CHD1: variants seen among roughly 807,000 people sequenced by gnomAD.
CHD1 encodes ATP-dependent chromatin remodeler CHD1.
A neutral mutation model predicts 224.2 loss-of-function variants in CHD1; 36 were observed. The ratio of observed to expected loss-of-function variants is 0.16; its 90% CI spans 0.12 to 0.21. The LOEUF (loss-of-function observed/expected upper bound fraction) is 0.21. CHD1 is among the 10% of genes least tolerant of loss of function. CHD1 has a pLI of 1.00. For missense variants in CHD1, 1,378 were observed against 1,994.8 expected (o/e 0.69, Z 5.89); for synonymous variants, 668 against 658.3 (o/e 1.01, Z -0.23).
chr5:98,889,475 C>T (rs1175521118), intron 15 of CHD1, among the ~76,000 whole-genome samples: 2 of 152,152 alleles, frequency 1.3e-5, no homozygotes, highest in Non-Finnish European at 2.9e-5. Context: ...ATAATTATTA[C>T]AGTGTATTAA....
chr5:98,870,581 C>T (rs1247278836), intron 29 of CHD1, 106 bp downstream of exon 29: 1 of 528,450 alleles, frequency 1.9e-6, no homozygotes, highest in East Asian at 3.0e-5. Context: ...CAGAAAAATC[C>T]ATTTATATAA....
At chr5:98,884,487 A>C (rs1201398327) in intron 18 of CHD1, among the ~76,000 whole-genome samples, 1 of 151,472 alleles carries the variant, frequency 6.6e-6, no homozygotes, top group Admixed American at 6.6e-5. Flanking sequence ...GAATGATACA[A>C]AGGACTCTGG....
Position 98,856,174 on chromosome 5 carries a change from T to C in CHD1, c.*206A>G, listed in dbSNP as rs1210348713. ...GAAAACAAAAAAAAGTACTACAATT[T>C]TGTAGTACAGTGCAGCATAATCCTT... On this transcript the variant is annotated 3_prime_UTR_variant, in exon 36 of 36. Transcript: ENST00000614616. 1 of 442,480 alleles carries C rather than the reference T, an allele frequency of 2.3e-6. No individual in the cohort carries two copies. Among genetic ancestry groups the C allele is most frequent in the East Asian group, 3.3e-5 (1 of 30,122 alleles). The allele number at this position is 442,480 out of a possible 1,614,324, so 27.4% of individuals were successfully genotyped here. A position where few individuals can be genotyped will look rare whatever the true frequency, so the allele number is the denominator to read the frequency against.
At chr5:98,895,168 A>G (rs1456036545) in intron 12 of CHD1, among the ~76,000 whole-genome samples, 1 of 152,234 alleles carries the variant, frequency 6.6e-6, no homozygotes, top group African/African-American at 2.4e-5. Context: ...TCTTATAAAT[A>G]AAACATAAAT....
chr5:98,918,496 G>A (rs1467792679), intron 2 of CHD1, among the ~76,000 whole-genome samples: 2 of 150,970 alleles, frequency 1.3e-5, no homozygotes, highest in African/African-American at 4.9e-5. Flanking sequence ...TGAGCCGGGC[G>A]CGGGAGCTCA....
chr5:98,915,035 A>C (rs375096544), intron 2 of CHD1, among the ~76,000 whole-genome samples: 15 of 152,222 alleles, frequency 9.9e-5, no homozygotes, highest in African/African-American at 2.9e-4. Flanking sequence ...ACAACAACAA[A>C]AAAACAATTA....
intron 24 of CHD1, among the ~76,000 whole-genome samples, chr5:98,875,910 C>T (rs1222266142): frequency 7.2e-5 from 11 of 152,102 alleles, no homozygotes; most frequent in Non-Finnish European, 1.2e-4. Context: ...ATGGACACTA[C>T]AATAAATATA....
intron 29 of CHD1, among the ~76,000 whole-genome samples, chr5:98,870,101 TA>T (rs35860346): frequency 6.6e-6 from 1 of 152,054 alleles, no homozygotes; most frequent in East Asian, 1.9e-4. Context: ...ATTATTCCTT[TA>T]AAAAAAGGAT....
chr5:98,923,738 T>C (rs763938606), intron 2 of CHD1, among the ~76,000 whole-genome samples: 11 of 152,118 alleles, frequency 7.2e-5, no homozygotes, highest in Non-Finnish European at 1.3e-4. Context: ...TTTTCACCTG[T>C]AGTATCAAAT....
intron 2 of CHD1, among the ~76,000 whole-genome samples, chr5:98,916,297 G>C (rs1752726044): frequency 6.6e-6 from 1 of 152,046 alleles, no homozygotes; most frequent in South Asian, 2.1e-4. Context: ...TGTAATCCCA[G>C]CACTTTGGGA....
intron 23 of CHD1, 29 bp downstream of exon 23, chr5:98,879,523 T>G: frequency 6.4e-6 from 10 of 1,568,416 alleles, no homozygotes; most frequent in Non-Finnish European, 8.6e-6. Context: ...TCTTACTTTA[T>G]AGAAATATCT....
chr5:98,866,021 G>A (rs1748835494), intron 31 of CHD1, among the ~76,000 whole-genome samples: 1 of 152,148 alleles, frequency 6.6e-6, no homozygotes, highest in Non-Finnish European at 1.5e-5. Context: ...AGAAGGGGAA[G>A]TAGCTCCAGT....
At chr5:98,872,249 T>C in intron 27 of CHD1, 48 bp from the exon 28 acceptor site, 17 of 1,558,008 alleles carry the variant, frequency 1.1e-5, no homozygotes, top group Non-Finnish European at 1.4e-5. Context: ...TTGCCTTAAC[T>C]GAAAAATTAA....
At chr5:98,920,271 C>T (rs1428775588) in intron 2 of CHD1, among the ~76,000 whole-genome samples, 1 of 152,086 alleles carries the variant, frequency 6.6e-6, no homozygotes, top group Middle Eastern at 3.2e-3. Context: ...CCTATCCCAA[C>T]CCTCTTGAAA....
intron 1 of CHD1, among the ~76,000 whole-genome samples, chr5:98,927,607 T>C (rs1295948343): frequency 6.6e-6 from 1 of 152,252 alleles, no homozygotes; most frequent in Non-Finnish European, 1.5e-5. Context: ...ACCGTTCTAC[T>C]CAACATTTAT....
chr5:98,869,272 C>A, intron 30 of CHD1: 2 of 986,020 alleles, frequency 2.0e-6, no homozygotes, highest in South Asian at 9.4e-5. Context: ...CAGAACTGAT[C>A]TCATCCTGGA....
intron 2 of CHD1, among the ~76,000 whole-genome samples, chr5:98,908,857 C>T (rs560538655): frequency 5.7e-4 from 87 of 151,992 alleles, no homozygotes; most frequent in African/African-American, 2.1e-3. Context: ...AAAGAAAAAC[C>T]ACCATTAATA....
At position 98,856,264 on chromosome 5, in the gene CHD1, TA is replaced by T; in HGVS notation, c.*115del. 1 of 698,182 alleles carries T rather than the reference TA, an allele frequency of 1.4e-6. No individual in the cohort carries two copies. Among genetic ancestry groups the T allele is most frequent in the Admixed American group, 2.8e-5 (1 of 35,854 alleles). 43.2% of individuals were successfully genotyped at this position (698,182 alleles called of 1,614,324 possible). A position where few individuals can be genotyped will look rare whatever the true frequency, so the allele number is the denominator to read the frequency against. ...CTTGCATCCTGGAAAGAAGTAACAA[TA>T]CTGCTACTGATAGAAGATCTGTTTA... On this transcript the variant is annotated 3_prime_UTR_variant, in exon 36 of 36. Coordinates refer to ENST00000614616, the MANE Select transcript of CHD1 (RefSeq NM_001270.4).
At chr5:98,902,832 A>G (rs1751806891) in intron 5 of CHD1, 68 bp downstream of exon 5, 1 of 1,022,250 alleles carries the variant, frequency 9.8e-7, no homozygotes, top group Non-Finnish European at 1.5e-6. Flanking sequence ...CAATTTTCAT[A>G]AAGAAAGAAA....
Sources: gnomAD v4.1 joint callset for allele counts (sites outside exome capture counted in the v4.1 genomes callset) on GRCh38, gnomAD v4.1.1 for gene constraint, MANE v1.5 for transcripts, NCBI Gene and HGNC (gene_info 2026-07-23, HGNC 2026-07-21) for gene names.